ST18: variants seen among roughly 807,000 people sequenced by gnomAD.
ST18 encodes the protein suppression of tumorigenicity 18 protein.
In ST18, 50 loss-of-function variants were observed where a neutral mutation model predicts 110.0. The ratio of observed to expected loss-of-function variants is 0.45; its 90% CI spans 0.36 to 0.58. The LOEUF (loss-of-function observed/expected upper bound fraction) is 0.58. Ranked by LOEUF, ST18 falls within the 20% of genes least tolerant of loss-of-function variation. ST18 has a pLI of 0.00. For missense variants in ST18, 1,306 were observed against 1,280.1 expected, an observed-to-expected ratio of 1.02 and a Z score of -0.31; for synonymous variants, 461 against 452.4, an observed-to-expected ratio of 1.02 and a Z score of -0.24.
chr8:52,259,515 A>G (rs574261028), intron 2 of ST18, among the ~76,000 whole-genome samples: 1 of 152,208 alleles, frequency 6.6e-6, no homozygotes, highest in Non-Finnish European at 1.5e-5. Flanking sequence ...GTATTATTAA[A>G]ACCATAAAAT....
intron 2 of ST18, chr8:52,407,726 T>C (rs1016558858): frequency 2.0e-5 from 3 of 152,170 alleles, no homozygotes; most frequent in East Asian, 1.9e-4. Context: ...GCTACTTTCA[T>C]GCAGAGATTT....
chr8:52,274,851 A>G (rs1455588615), intron 2 of ST18, among the ~76,000 whole-genome samples: 3 of 152,074 alleles, frequency 2.0e-5, no homozygotes, highest in African/African-American at 7.2e-5. Flanking sequence ...CTTTTCCCCA[A>G]TTTTTTGTTT....
intron 2 of ST18, among the ~76,000 whole-genome samples, chr8:52,378,689 G>A (rs1230068317): frequency 6.6e-6 from 1 of 152,124 alleles, no homozygotes; most frequent in Non-Finnish European, 1.5e-5. Context: ...CTTCACCTCT[G>A]ACTGGTTTCC....
chr8:52,305,845 T>G (rs1348038660), intron 2 of ST18, among the ~76,000 whole-genome samples: 1 of 152,224 alleles, frequency 6.6e-6, no homozygotes, highest in Non-Finnish European at 1.5e-5. Flanking sequence ...CTAACAGGAC[T>G]CCTGGCTTGC....
At chr8:52,321,175 G>C (rs1257927987) in intron 2 of ST18, among the ~76,000 whole-genome samples, 3 of 152,148 alleles carry the variant, frequency 2.0e-5, no homozygotes, top group Admixed American at 6.5e-5. Context: ...CACCTGGACG[G>C]GAAGAGACAC....
At chr8:52,322,597 T>A (rs1484214791) in intron 2 of ST18, among the ~76,000 whole-genome samples, 1 of 152,200 alleles carries the variant, frequency 6.6e-6, no homozygotes, top group Non-Finnish European at 1.5e-5. Flanking sequence ...GTCTCATCTC[T>A]AAGGATGAAT....
intron 17 of ST18, among the ~76,000 whole-genome samples, chr8:52,141,683 G>C (rs1426090617): frequency 1.3e-5 from 2 of 152,100 alleles, no homozygotes; most frequent in Admixed American, 6.5e-5. Flanking sequence ...AGAGGATGTG[G>C]GCCCTGCAGA....
At chr8:52,222,471 G>A (rs529775732) in intron 3 of ST18, among the ~76,000 whole-genome samples, 1 of 152,326 alleles carries the variant, frequency 6.6e-6, no homozygotes, top group South Asian at 2.1e-4. Flanking sequence ...CCTCCCTGGG[G>A]AAGAGAGTGA....
At chr8:52,364,839 G>A (rs907679494) in intron 2 of ST18, among the ~76,000 whole-genome samples, 1 of 152,156 alleles carries the variant, frequency 6.6e-6, no homozygotes, top group Non-Finnish European at 1.5e-5. Context: ...GCTGGGCACA[G>A]TGGCTCACAC....
At chr8:52,159,647 T>A (rs977115227) in intron 14 of ST18, among the ~76,000 whole-genome samples, 3 of 152,248 alleles carry the variant, frequency 2.0e-5, no homozygotes, top group African/African-American at 7.2e-5. Flanking sequence ...GTAGAAGTTG[T>A]TCTTCATCCA....
intron 2 of ST18, among the ~76,000 whole-genome samples, chr8:52,279,913 CAA>C (rs35021037): frequency 3.3e-5 from 5 of 152,062 alleles, no homozygotes; most frequent in African/African-American, 1.2e-4. Context: ...ATCTGACATG[CAA>C]AAAGCAATGA....
intron 2 of ST18, among the ~76,000 whole-genome samples, chr8:52,385,871 G>A (rs1172559963): frequency 6.6e-6 from 1 of 152,140 alleles, no homozygotes; most frequent in African/African-American, 2.4e-5. Context: ...GTGTTGCAGT[G>A]GAGATTTCTG....
chr8:52,277,917 A>G (rs2095305182), intron 2 of ST18, among the ~76,000 whole-genome samples: 1 of 152,214 alleles, frequency 6.6e-6, no homozygotes, highest in African/African-American at 2.4e-5. Flanking sequence ...CAATTCCATT[A>G]TTGATAACAA....
intron 6 of ST18, among the ~76,000 whole-genome samples, chr8:52,216,321 C>T (rs1341364247): frequency 2.0e-5 from 3 of 152,156 alleles, no homozygotes; most frequent in South Asian, 2.1e-4. Context: ...ATGGACCTCC[C>T]TTTGACTGTG....
At chr8:52,325,537 A>G (rs1036281197) in intron 2 of ST18, among the ~76,000 whole-genome samples, 1 of 152,202 alleles carries the variant, frequency 6.6e-6, no homozygotes, top group Non-Finnish European at 1.5e-5. Flanking sequence ...AATTAGAACA[A>G]GGTATCTATG....
In ST18 at chr8:52,220,405, AAACT is replaced by A. The variant is rs202183654; in HGVS notation, c.-157+332_-157+335del. ...GCTTATTTACTCTTAATCCATAAACAAACTAATTTCTAACACGAATGTAAACTGG... is the reference window on the plus strand; with the variant it reads ...GCTTATTTACTCTTAATCCATAAACAAATTTCTAACACGAATGTAAACTGG... On this transcript the variant is annotated intron_variant, in intron 5 of 25. Coordinates refer to ENST00000689386, the MANE Select transcript of ST18 (RefSeq NM_001352837.2). Among the ~76,000 whole-genome samples, 558 of 152,338 alleles carry A rather than the reference AAACT, an allele frequency of 3.7e-3. 6 individuals carry two copies. The highest frequency in any genetic ancestry group is 0.012 in the Admixed American group (177 of 15,300).
intron 10 of ST18, among the ~76,000 whole-genome samples, chr8:52,170,501 TG>T (rs1483328013): frequency 6.8e-6 from 1 of 148,102 alleles, no homozygotes; most frequent in Non-Finnish European, 1.5e-5. Flanking sequence ...TAAATAAAAA[TG>T]GAGAAATGAT....
Position 52,180,271 on chromosome 8 carries a change from T to G in ST18, c.128A>C (p.Glu43Ala). The change falls in exon 9 of 26, where the codon GAA becomes GCA. Residue 43 changes from glutamate to alanine, a missense_variant. By Grantham distance (107) the Glu-to-Ala change is moderately radical. Transcript: ENST00000689386. ...DCSMAKKRTA[E>A]DQALGVPVNK... ...GACTGGAACCCCCAAAGCCTGATCT[T>G]CAGCTGTTCTCTTCTTTGCCATGGA... The G allele has an allele frequency of 6.2e-7, 1 of 1,614,206 alleles. No individual in the cohort carries two copies. Among genetic ancestry groups the G allele is most frequent in the Non-Finnish European group, 8.5e-7 (1 of 1,180,030 alleles).
intron 2 of ST18, among the ~76,000 whole-genome samples, chr8:52,310,545 C>T (rs762961217): frequency 1.3e-5 from 2 of 151,776 alleles, no homozygotes; most frequent in Non-Finnish European, 2.9e-5. Flanking sequence ...TTCTGGGCTT[C>T]GTTTTGAAAG....
Sources: allele counts gnomAD v4.1 joint callset (sites outside exome capture counted in the v4.1 genomes callset), GRCh38; gene constraint gnomAD v4.1.1; transcripts MANE v1.5; gene names NCBI Gene and HGNC (gene_info 2026-07-23, HGNC 2026-07-21).